The following PRR16 variants were observed in gnomAD, a reference collection of about 807,000 sequenced individuals.
PRR16 encodes the protein protein Largen.
A neutral mutation model predicts 18.2 loss-of-function variants in PRR16; 6 were observed. The observed-to-expected ratio is 0.33, with a 90% CI of 0.18 to 0.65. PRR16 has a LOEUF of 0.65. PRR16 is among the 30% of genes least tolerant of loss of function. PRR16 has a pLI of 0.74. For missense variants in PRR16, 412 were observed against 376.6 expected, an observed-to-expected ratio of 1.09 and a Z score of -0.78; for synonymous variants, 151 against 147.8, an observed-to-expected ratio of 1.02 and a Z score of -0.16.
At chr5:120,648,173 G>A (rs751631971) in intron 1 of PRR16, among the ~76,000 whole-genome samples, 1 of 152,056 alleles carries the variant, frequency 6.6e-6, no homozygotes, top group Non-Finnish European at 1.5e-5. Flanking sequence ...GTCACTAGAT[G>A]TTTTTAAATC....
chr5:120,550,449 G>A (rs1752218811), intron 1 of PRR16, among the ~76,000 whole-genome samples: 1 of 152,008 alleles, frequency 6.6e-6, no homozygotes, highest in South Asian at 2.1e-4. Context: ...ATGAAATAAA[G>A]TTTTAGAGAG....
At chr5:120,572,278 T>C (rs1752933146) in intron 1 of PRR16, among the ~76,000 whole-genome samples, 1 of 152,166 alleles carries the variant, frequency 6.6e-6, no homozygotes, top group African/African-American at 2.4e-5. Context: ...TGTGGCCATA[T>C]GTAACTGGCC....
chr5:120,693,656 T>C, the PRR16 span, among the ~76,000 whole-genome samples: 7 of 152,108 alleles, frequency 4.6e-5, no homozygotes, highest in Non-Finnish European at 1.0e-4. Flanking sequence ...TATGGTCTCA[T>C]AGGAAATTAC....
intron 1 of PRR16, among the ~76,000 whole-genome samples, chr5:120,529,110 C>T (rs1053378713): frequency 2.6e-5 from 4 of 152,114 alleles, no homozygotes; most frequent in Non-Finnish European, 5.9e-5. Context: ...TAGAACAGTA[C>T]ACTTCCATTG....
At chr5:120,710,562 C>G in the PRR16 span, 2 of 152,162 alleles carry the variant, frequency 1.3e-5, no homozygotes, top group African/African-American at 4.8e-5. Context: ...AAGTTACACT[C>G]TAGTGTGTTA....
the PRR16 span, among the ~76,000 whole-genome samples, chr5:120,792,714 G>A: frequency 6.6e-6 from 1 of 152,090 alleles, no homozygotes; most frequent in East Asian, 1.9e-4. Flanking sequence ...TATGGGACAT[G>A]AATTATGCAG....
chr5:120,752,125 G>A, the PRR16 span, among the ~76,000 whole-genome samples: 53 of 152,032 alleles, frequency 3.5e-4, no homozygotes, highest in African/African-American at 1.3e-3. Context: ...CATCATTTAG[G>A]AGTTTGTTAC....
chr5:120,780,574 T>G, the PRR16 span, among the ~76,000 whole-genome samples: 4 of 152,192 alleles, frequency 2.6e-5, no homozygotes. Context: ...AATCCTAAAA[T>G]GTATATAATA....
At chr5:120,582,388 T>G (rs1262626679) in intron 1 of PRR16, among the ~76,000 whole-genome samples, 1 of 152,104 alleles carries the variant, frequency 6.6e-6, no homozygotes, top group East Asian at 1.9e-4. Flanking sequence ...ACTAGAAACC[T>G]AATTCGAACC....
chr5:120,750,613 G>A, the PRR16 span, among the ~76,000 whole-genome samples: 1 of 152,070 alleles, frequency 6.6e-6, no homozygotes, highest in African/African-American at 2.4e-5. Flanking sequence ...GTTGCAGTGA[G>A]CTGAGATCTC....
chr5:120,530,484 A>C (rs1392504291), intron 1 of PRR16, among the ~76,000 whole-genome samples: 1 of 150,702 alleles, frequency 6.6e-6, no homozygotes, highest in Non-Finnish European at 1.5e-5. Context: ...ATCTCTGTGT[A>C]CTTTTTGTAG....
intron 1 of PRR16, among the ~76,000 whole-genome samples, chr5:120,591,937 T>G (rs1449204848): frequency 6.6e-6 from 1 of 152,144 alleles, no homozygotes; most frequent in Admixed American, 6.6e-5. Context: ...CTGAAACAGT[T>G]TTGTAAGAGT....
intron 1 of PRR16, among the ~76,000 whole-genome samples, chr5:120,511,170 C>T (rs140034816): frequency 4.8e-3 from 737 of 152,260 alleles, no homozygotes; most frequent in Non-Finnish European, 7.0e-3. Context: ...CTCCCTAAAG[C>T]CTGGAGGAAC....
intron 1 of PRR16, among the ~76,000 whole-genome samples, chr5:120,634,366 G>A (rs190163184): frequency 4.6e-5 from 7 of 152,238 alleles, no homozygotes; most frequent in African/African-American, 1.4e-4. Context: ...AAAGAGGGCC[G>A]GGCATGGTGG....
At chr5:120,657,882 G>T (rs764263562) in intron 1 of PRR16, among the ~76,000 whole-genome samples, 5 of 151,912 alleles carry the variant, frequency 3.3e-5, no homozygotes, top group Middle Eastern at 3.4e-3. Context: ...TTTACTAAGG[G>T]TGTGATTGTC....
chr5:120,585,096 G>A (rs1449154223), intron 1 of PRR16, among the ~76,000 whole-genome samples: 1 of 152,136 alleles, frequency 6.6e-6, no homozygotes, highest in African/African-American at 2.4e-5. Context: ...TGTTAAAACA[G>A]CTTTAAAATT....
At chr5:120,711,148 A>T in the PRR16 span, among the ~76,000 whole-genome samples, 14 of 152,118 alleles carry the variant, frequency 9.2e-5, no homozygotes, top group Admixed American at 7.9e-4. Context: ...ATTTTTTCCC[A>T]TCTCAAGGTT....
the PRR16 span, among the ~76,000 whole-genome samples, chr5:120,693,438 C>G: frequency 0.046 from 6,938 of 152,262 alleles, 555 homozygotes; most frequent in African/African-American, 0.16. Context: ...GGACTACAAG[C>G]TTCAGTTCTT....
At chr5:120,539,958 G>A (rs1488229349) in intron 1 of PRR16, among the ~76,000 whole-genome samples, 1 of 151,770 alleles carries the variant, frequency 6.6e-6, no homozygotes, top group Non-Finnish European at 1.5e-5. Context: ...CTTTTTGGTT[G>A]AAATTCATGC....
Sources: allele counts gnomAD v4.1 joint callset (sites outside exome capture counted in the v4.1 genomes callset), GRCh38; gene constraint gnomAD v4.1.1; transcripts MANE v1.5; gene names NCBI Gene and HGNC (gene_info 2026-07-23, HGNC 2026-07-21).